The following TENM1 variants were observed in gnomAD, a reference collection of about 807,000 sequenced individuals.
TENM1 encodes teneurin-1.
In TENM1, 35 loss-of-function variants were observed where a neutral mutation model predicts 174.8. The observed-to-expected ratio is 0.20, with a 90% CI of 0.15 to 0.27. The LOEUF (loss-of-function observed/expected upper bound fraction) is 0.27, where lower values mean the gene tolerates loss of function less well. Among genes scored for constraint, TENM1 ranks in the 10% least tolerant of loss-of-function variants. The pLI, the probability that TENM1 is intolerant of heterozygous loss-of-function variation, is 1.00. For missense variants in TENM1, 1,633 were observed against 2,130.1 expected (o/e 0.77, Z 4.59); for synonymous variants, 781 against 798.7 (o/e 0.98, Z 0.37).
the TENM1 span, among the ~76,000 whole-genome samples, chrX:125,097,855 T>C: frequency 8.9e-6 from 1 of 112,774 alleles, no homozygotes. Flanking sequence ...GTTACTACTA[T>C]AGTTGTGACA....
chrX:125,000,235 ATTACAAAT>A, the TENM1 span, among the ~76,000 whole-genome samples: 1 of 111,896 alleles, frequency 8.9e-6, no homozygotes, highest in African/African-American at 3.2e-5. Context: ...AGTTGTTAAA[ATTACAAAT>A]TTACAAGTAA....
At chrX:124,380,640 C>A (rs774034845) in exon 32 of TENM1, 2 of 1,211,538 alleles carry the variant, frequency 1.7e-6, no homozygotes, top group South Asian at 3.5e-5. Context: ...CCATCGTAAC[C>A]TTGTACCCGC....
At chrX:124,498,969 C>G (rs916301605) in intron 19 of TENM1, among the ~76,000 whole-genome samples, 1 of 111,014 alleles carries the variant, frequency 9.0e-6, no homozygotes, top group Non-Finnish European at 1.9e-5. Context: ...ATTTTGCAAA[C>G]CTGCTGAGCC....
chrX:125,012,797 T>C, the TENM1 span, among the ~76,000 whole-genome samples: 251 of 111,995 alleles, frequency 2.2e-3, 1 homozygote, highest in African/African-American at 7.7e-3. Flanking sequence ...TATAGCACAA[T>C]ACCAAGAATG....
At chrX:124,771,460 T>C (rs1457965777) in intron 3 of TENM1, among the ~76,000 whole-genome samples, 1 of 112,597 alleles carries the variant, frequency 8.9e-6, no homozygotes, top group African/African-American at 3.2e-5. Flanking sequence ...AGATTCCCAT[T>C]TCATGAAACA....
chrX:124,379,557 G>A (rs1000208249), exon 32 of TENM1: 1 of 111,843 alleles, frequency 8.9e-6, no homozygotes, highest in African/African-American at 3.3e-5. Context: ...GTTAATGTAT[G>A]TATCGGCATC....
intron 11 of TENM1, among the ~76,000 whole-genome samples, chrX:124,600,433 T>A (rs1023341685): frequency 9.0e-6 from 1 of 111,725 alleles, no homozygotes; most frequent in Non-Finnish European, 1.9e-5. Flanking sequence ...CAGGTATGAA[T>A]AAATGAATTA....
chrX:124,520,791 TAAAAA>T lies in TENM1; in HGVS notation c.3034-12_3034-8del, dbSNP rs112813437. ...GAATTTCCTCCTGTACAACCTGAAA[TAAAAA>T]AAAAAAAAAAAAGCCAAATAGGCTC... On this transcript the variant is annotated splice_polypyrimidine_tract_variant and splice_region_variant and intron_variant, in intron 17 of 31. Coordinates refer to ENST00000422452, the Ensembl canonical transcript of TENM1. The T allele has an allele frequency of 1.4e-4, 142 of 1,032,761 alleles. No individual in the cohort carries two copies. The highest frequency in any genetic ancestry group is 3.8e-4 in the South Asian group (15 of 39,710). The allele number at this position is 1,032,761 out of a possible 1,213,427, so 85.1% of individuals were successfully genotyped here.
chrX:124,918,182 ATT>A (rs373039228), intron 1 of TENM1, among the ~76,000 whole-genome samples: 1,453 of 101,895 alleles, frequency 0.014, 28 homozygotes, highest in African/African-American at 0.049. Flanking sequence ...AAGATACTGA[ATT>A]TTTTTTTTTT....
intron 5 of TENM1, among the ~76,000 whole-genome samples, chrX:124,675,377 T>A (rs956700992): frequency 2.7e-5 from 3 of 110,761 alleles, no homozygotes; most frequent in Non-Finnish European, 3.8e-5. Context: ...TTAGATGCAG[T>A]ATAAAGACAG....
At chrX:124,779,049 C>T (rs779156204) in intron 3 of TENM1, among the ~76,000 whole-genome samples, 5 of 111,281 alleles carry the variant, frequency 4.5e-5, no homozygotes, top group East Asian at 2.8e-4. Flanking sequence ...TACTAGGGAT[C>T]GTAGAGGATA....
At chrX:124,622,251 G>A (rs768817344) in intron 11 of TENM1, among the ~76,000 whole-genome samples, 5 of 111,698 alleles carry the variant, frequency 4.5e-5, no homozygotes, top group Non-Finnish European at 9.4e-5. Context: ...TTCATAGGTC[G>A]AATATCAGCA....
chrX:124,948,225 G>A (rs1321102432), intron 1 of TENM1, among the ~76,000 whole-genome samples: 2 of 111,864 alleles, frequency 1.8e-5, no homozygotes, highest in Non-Finnish European at 3.8e-5. Flanking sequence ...GTGGCATGAA[G>A]GCAACAGAGA....
the TENM1 span, among the ~76,000 whole-genome samples, chrX:125,042,859 T>C: frequency 9.0e-6 from 1 of 111,106 alleles, no homozygotes; most frequent in Non-Finnish European, 1.9e-5. Flanking sequence ...ATTTTTACAA[T>C]ATCTGGATGG....
chrX:124,578,477 G>A (rs1459388966), intron 11 of TENM1, among the ~76,000 whole-genome samples: 2 of 111,349 alleles, frequency 1.8e-5, no homozygotes, highest in African/African-American at 6.5e-5. Flanking sequence ...TTAACTATGG[G>A]ACCCTGAGCA....
At chrX:124,549,746 C>T (rs2048516267) in intron 14 of TENM1, among the ~76,000 whole-genome samples, 1 of 111,101 alleles carries the variant, frequency 9.0e-6, no homozygotes, top group South Asian at 3.8e-4. Context: ...TAATGGCATG[C>T]AAACCCCGTA....
intron 3 of TENM1, among the ~76,000 whole-genome samples, chrX:124,752,867 C>G (rs1470255565): frequency 5.4e-5 from 6 of 110,243 alleles, no homozygotes; most frequent in Non-Finnish European, 9.5e-5. Flanking sequence ...TGTTTTGGTA[C>G]CAGTACCATG....
At chrX:124,697,265 C>T (rs779654382) in intron 5 of TENM1, among the ~76,000 whole-genome samples, 5 of 110,918 alleles carry the variant, frequency 4.5e-5, no homozygotes, top group African/African-American at 1.3e-4. Flanking sequence ...GAGGCTTTGA[C>T]GAGTAGAAAA....
intron 29 of TENM1, 147 bp from the exon 33 acceptor site, chrX:124,385,001 A>C: frequency 2.2e-6 from 1 of 456,993 alleles, no homozygotes; most frequent in Middle Eastern, 5.8e-4. Flanking sequence ...ATGCCTGGGC[A>C]TATTACCTCA....
Sources: gnomAD v4.1 joint callset for allele counts (sites outside exome capture counted in the v4.1 genomes callset) on GRCh38, gnomAD v4.1.1 for gene constraint, MANE v1.5 for transcripts, NCBI Gene and HGNC (gene_info 2026-07-23, HGNC 2026-07-21) for gene names.